WDR44: variants seen among roughly 807,000 people sequenced by gnomAD.
WDR44 encodes the protein WD repeat domain 44.
WDR44 carries 9 observed loss-of-function variants against 65.7 expected under a neutral mutation model. The ratio of observed to expected loss-of-function variants is 0.14; its 90% CI spans 0.08 to 0.24. WDR44 has a LOEUF of 0.24. Ranked by LOEUF, WDR44 falls within the 10% of genes least tolerant of loss-of-function variation. WDR44 has a pLI of 1.00. For synonymous variants in WDR44, 220 were observed against 235.2 expected (o/e 0.94, Z 0.59); for missense variants, 425 against 670.9 (o/e 0.63, Z 4.05).
At chrX:118,361,469 A>G (rs919824582) in intron 1 of WDR44, among the ~76,000 whole-genome samples, 1 of 112,533 alleles carries the variant, frequency 8.9e-6, no homozygotes, top group Non-Finnish European at 1.9e-5. Context: ...TTGACTGGGC[A>G]CAGTGGCTCA....
At chrX:118,445,077 C>T (rs1426395449) in intron 19 of WDR44, 4 of 303,239 alleles carry the variant, frequency 1.3e-5, no homozygotes, top group South Asian at 2.9e-5. Flanking sequence ...AGATGGATCA[C>T]GAGGTCAGGA....
Position 118,409,586 on chromosome X carries a change from T to G in WDR44, c.1631T>G (p.Phe544Cys). Residue 544 changes from phenylalanine (F) to cysteine (C), a missense_variant, in exon 11 of 20, where the codon TTT (phenylalanine) becomes TGT (cysteine). By Grantham distance (205) the Phe-to-Cys change is radical (BLOSUM62 -2). Coordinates refer to ENST00000254029, the MANE Select transcript of WDR44 (RefSeq NM_019045.5). ...AGAATATGGGCTTTAAAAAATGCTT[T>G]TGACTATTTCAACAATATGCGAATG... The part of the protein sequence containing the change: ...VVRIWALKNA[F>C]DYFNNMRMKY... 1 of 1,206,632 alleles carries G rather than the reference T, an allele frequency of 8.3e-7. No homozygotes were observed. The highest frequency in any genetic ancestry group is 1.1e-6 in the Non-Finnish European group (1 of 893,057).
intron 1 of WDR44, among the ~76,000 whole-genome samples, chrX:118,353,326 T>G (rs1375875794): frequency 8.9e-6 from 1 of 111,817 alleles, no homozygotes; most frequent in African/African-American, 3.3e-5. Flanking sequence ...AACCCTGATG[T>G]TTTTCCTCAG....
intron 8 of WDR44, among the ~76,000 whole-genome samples, chrX:118,401,428 GA>G (rs2056913813): frequency 1.3e-5 from 1 of 77,745 alleles, no homozygotes; most frequent in East Asian, 4.4e-4. Flanking sequence ...TAGTGATGAT[GA>G]GCATTTTTTC....
At chrX:118,365,684 G>A (rs2056547153) in intron 1 of WDR44, among the ~76,000 whole-genome samples, 1 of 111,440 alleles carries the variant, frequency 9.0e-6, no homozygotes, top group African/African-American at 3.3e-5. Flanking sequence ...CTTAAAACCG[G>A]ATTTTTGTGT....
chrX:118,355,231 C>A (rs1448469204), intron 1 of WDR44, among the ~76,000 whole-genome samples: 1 of 111,883 alleles, frequency 8.9e-6, no homozygotes, highest in Non-Finnish European at 1.9e-5. Flanking sequence ...CTTTTTCTTT[C>A]CTAGCATAGT....
intron 13 of WDR44, 93 bp from the exon 14 acceptor site, chrX:118,436,609 G>A: frequency 1.0e-6 from 1 of 954,609 alleles, no homozygotes; most frequent in South Asian, 2.1e-5. Flanking sequence ...TAACAAAACT[G>A]TTGAGATACA....
At chrX:118,447,864 ACT>A (rs1294312615) in intron 19 of WDR44, among the ~76,000 whole-genome samples, 2 of 88,144 alleles carry the variant, frequency 2.3e-5, no homozygotes, top group East Asian at 7.3e-4. Context: ...ACAGAGTGAG[ACT>A]CTATCTAAAA....
chrX:118,427,094 A>C (rs2057163601), intron 12 of WDR44, among the ~76,000 whole-genome samples: 1 of 111,443 alleles, frequency 9.0e-6, no homozygotes, highest in Non-Finnish European at 1.9e-5. Flanking sequence ...TTGACTAAAA[A>C]GTACCTATAA....
At chrX:118,372,864 G>A (rs1036282173) in intron 1 of WDR44, among the ~76,000 whole-genome samples, 2 of 111,931 alleles carry the variant, frequency 1.8e-5, no homozygotes, top group East Asian at 5.6e-4. Flanking sequence ...TGAGGAGGGC[G>A]GATCGTCTGA....
chrX:118,448,329 A>T (rs1335394461), intron 19 of WDR44, among the ~76,000 whole-genome samples: 1 of 112,216 alleles, frequency 8.9e-6, no homozygotes, highest in East Asian at 2.8e-4. Context: ...CAAATGTAAG[A>T]GGTAAGCATT....
intron 17 of WDR44, among the ~76,000 whole-genome samples, chrX:118,442,981 G>A (rs1384435756): frequency 9.0e-6 from 1 of 110,875 alleles, no homozygotes; most frequent in Admixed American, 9.7e-5. Context: ...CTTTGTTTAC[G>A]CTTTTAAGAG....
At position 118,369,470 on chromosome X, in the gene WDR44, C is replaced by T. The variant is rs1461528879; in HGVS notation, c.78-8949C>T. 8.7e-4 allele frequency among the ~76,000 whole-genome samples: 66 copies of T among 75,948 alleles called. 1 individual carries two copies. Among genetic ancestry groups the T allele is most frequent in the East Asian group, 2.3e-3 (5 of 2,188 alleles). The allele number at this position is 75,948 out of a possible 115,157, so 66.0% of individuals were successfully genotyped here. On this transcript the variant is annotated intron_variant, in intron 1 of 19. Transcript: ENST00000254029. ...ACAGGTGTGAGCCACCACGCCCGGC[C>T]TTTTTTTTTTTTTTTTTGAAATGGA...
chrX:118,393,197 C>A lies in WDR44; in HGVS notation c.752C>A (p.Ser251Tyr). 1 of 1,209,485 alleles carries A rather than the reference C, an allele frequency of 8.3e-7. No homozygotes were observed. Among genetic ancestry groups the A allele is most frequent in the Non-Finnish European group, 1.1e-6 (1 of 894,897 alleles). The change falls in exon 4 of 20, where the codon TCT (serine) becomes TAT (tyrosine). Residue 251 changes from serine to tyrosine, a missense_variant. Physicochemically the swap from Ser to Tyr is moderately radical, Grantham distance 144. Transcript: ENST00000254029. Reference sequence around the variant, plus strand: ...CCACCTCCTAGACCCCCACCTCCTTCTCGACCTGCTCCACCACCAAGAAAA... The same window carrying A: ...CCACCTCCTAGACCCCCACCTCCTTATCGACCTGCTCCACCACCAAGAAAA... ...NFPPPRPPPP[S>Y]RPAPPPRKRK...
intron 12 of WDR44, among the ~76,000 whole-genome samples, chrX:118,430,458 C>T: frequency 1.9e-5 from 2 of 107,903 alleles, no homozygotes; most frequent in South Asian, 8.4e-4. Flanking sequence ...AGGAGAATCA[C>T]TTGAACCCAG....
rs780909706 is a variant in WDR44, at chrX:118,448,850, T to G, written c.2648-43T>G. On this transcript the variant is annotated intron_variant, in intron 19 of 19. Coordinates refer to ENST00000254029, the MANE Select transcript of WDR44 (RefSeq NM_019045.5). Reference sequence around the variant, plus strand: ...GATAATTGTGGCAGCAGGCTTCATATTCCTTTAAAAATCAACTTAAAACTA... The same window carrying G: ...GATAATTGTGGCAGCAGGCTTCATAGTCCTTTAAAAATCAACTTAAAACTA... 10 of 983,000 alleles carry G rather than the reference T, an allele frequency of 1.0e-5. No homozygotes were observed. In the African/African-American group the frequency reaches 1.7e-4, roughly 17 times the overall value. The allele number at this position is 983,000 out of a possible 1,213,427, so 81.0% of individuals were successfully genotyped here. A position where few individuals can be genotyped will look rare whatever the true frequency, so the allele number is the denominator to read the frequency against.
In WDR44 at chrX:118,390,130, C is replaced by T. The variant is rs112534867; in HGVS notation, c.187-2502C>T. ...AGAGATGGGGTTTCACCATGTTGGC[C>T]AGGCTGGTTTTGAACTCCTGACCTC... On this transcript the variant is annotated intron_variant, in intron 3 of 19. Coordinates refer to ENST00000254029, the MANE Select transcript of WDR44 (RefSeq NM_019045.5). 2.7e-4 allele frequency among the ~76,000 whole-genome samples: 30 copies of T among 109,477 alleles called. 1 individual carries two copies. Among genetic ancestry groups the T allele is most frequent in the African/African-American group, 8.0e-4 (24 of 30,124 alleles).
chrX:118,368,196 CAG>C (rs2056570952), intron 1 of WDR44, among the ~76,000 whole-genome samples: 1 of 109,706 alleles, frequency 9.1e-6, no homozygotes, highest in Middle Eastern at 4.2e-3. Context: ...ACTATTATGT[CAG>C]AGTTTATAAA....
intron 12 of WDR44, among the ~76,000 whole-genome samples, chrX:118,430,015 A>G (rs1215852557): frequency 9.0e-6 from 1 of 111,531 alleles, no homozygotes; most frequent in Non-Finnish European, 1.9e-5. Flanking sequence ...ATTAATCGTG[A>G]TGCATCCATA....
Sources: allele counts gnomAD v4.1 joint callset (sites outside exome capture counted in the v4.1 genomes callset), GRCh38; gene constraint gnomAD v4.1.1; transcripts MANE v1.5; gene names NCBI Gene and HGNC (gene_info 2026-07-23, HGNC 2026-07-21).